The following GMIP variants were observed in gnomAD, a reference collection of about 807,000 sequenced individuals.
GMIP encodes the protein GEM-interacting protein.
GMIP carries 54 observed loss-of-function variants against 105.3 expected under a neutral mutation model. The ratio of observed to expected loss-of-function variants is 0.51; its 90% CI spans 0.41 to 0.64. The LOEUF is 0.64. GMIP is among the 30% of genes least tolerant of loss of function. GMIP has a pLI of 0.00. For synonymous variants in GMIP, 541 were observed against 560.8 expected (o/e 0.96, Z 0.50); for missense variants, 1,110 against 1,319.4 (o/e 0.84, Z 2.46).
At chr19:19,633,782 G>A in intron 19 of GMIP, 21 bp downstream of exon 19, 2 of 1,435,430 alleles carry the variant, frequency 1.4e-6, no homozygotes, top group Non-Finnish European at 1.8e-6. Flanking sequence ...CTCCATAGCT[G>A]TGGGCCCAGT....
chr19:19,638,153 G>A lies in GMIP; in HGVS notation c.789+6C>T. On this transcript the variant is annotated splice_donor_region_variant and intron_variant, in intron 9 of 20. Coordinates refer to ENST00000203556, the MANE Select transcript of GMIP (RefSeq NM_016573.4). ...GCGCTACAGGGGCTCGGGGCCGGGT[G>A]CCCACCTTGGCCTGGGCCTCCTCTC... The A allele has an allele frequency of 6.3e-7, 1 of 1,578,632 alleles. No individual in the cohort carries two copies. Among genetic ancestry groups the A allele is most frequent in the Non-Finnish European group, 8.5e-7 (1 of 1,171,004 alleles).
At chr19:19,631,108 G>A (rs1437643645) in intron 19 of GMIP, among the ~76,000 whole-genome samples, 1 of 152,144 alleles carries the variant, frequency 6.6e-6, no homozygotes, top group Non-Finnish European at 1.5e-5. Context: ...GGCTGAGGCA[G>A]GAGAATCGCT....
intron 1 of GMIP, 49 bp from the exon 2 acceptor site, chr19:19,642,668 C>A: frequency 1.1e-6 from 1 of 883,834 alleles, no homozygotes. Context: ...CTCCCTCCAC[C>A]CACGGCACCT....
chr19:19,638,443 T>G lies in GMIP; in HGVS notation c.577A>C (p.Lys193Gln). Reference sequence around the variant, plus strand: ...TTCATCCACTGCTCCTTGAACTCCTTCCGCCACTTCTCAATCTCAGTCCGT... The same window carrying G: ...TTCATCCACTGCTCCTTGAACTCCTGCCGCCACTTCTCAATCTCAGTCCGT... Reference protein sequence around the residue: ...AKRTEIEKWRKEFKEQWMKEQ... With the variant: ...AKRTEIEKWRQEFKEQWMKEQ... Residue 193 changes from lysine (K) to glutamine (Q), a missense_variant, in exon 8 of 21, where the codon AAG becomes CAG. This residue lies in a region of GMIP where 667 missense variants were observed against 773.2 expected (regional missense o/e 0.86). Coordinates refer to ENST00000203556, the MANE Select transcript of GMIP (RefSeq NM_016573.4). 1 of 1,614,128 alleles carries G rather than the reference T, an allele frequency of 6.2e-7. No homozygotes were observed. Among genetic ancestry groups the G allele is most frequent in the South Asian group, 1.1e-5 (1 of 91,086 alleles).
chr19:19,633,888 T>C lies in GMIP; in HGVS notation c.2387A>G (p.Gln796Arg). 7.3e-7 allele frequency: 1 copy of C among 1,370,670 alleles called. No homozygotes were observed. The highest frequency in any genetic ancestry group is 9.5e-7 in the Non-Finnish European group (1 of 1,053,980). The allele number at this position is 1,370,670 out of a possible 1,614,324, so 84.9% of individuals were successfully genotyped here. A position where few individuals can be genotyped will look rare whatever the true frequency, so the allele number is the denominator to read the frequency against. The change falls in exon 19 of 21, where the codon CAG (glutamine) becomes CGG (arginine). Residue 796 changes from glutamine to arginine, a missense_variant. Physicochemically the swap from Gln to Arg is conservative, Grantham distance 43. Transcript: ENST00000203556. ...PPPPHLDPDS[Q>R]PPVLASDPGP... ...GGGGTCTGAGGCTAGGACTGGGGGCTGGGAGTCTGGGTCAAGGTGCGGGGG... is the reference window on the plus strand; with the variant it reads ...GGGGTCTGAGGCTAGGACTGGGGGCCGGGAGTCTGGGTCAAGGTGCGGGGG...
At chr19:19,641,165 C>T (rs2061914963) in intron 4 of GMIP, among the ~76,000 whole-genome samples, 1 of 152,082 alleles carries the variant, frequency 6.6e-6, no homozygotes, top group Non-Finnish European at 1.5e-5. Flanking sequence ...ACTGCAAGCT[C>T]CGCCTCCTGG....
Position 19,634,729 on chromosome 19 carries a change from A to C in GMIP, c.1888-26T>G. The C allele has an allele frequency of 6.2e-7, 1 of 1,609,266 alleles. No individual in the cohort carries two copies. The stretch of plus-strand genomic sequence containing the variant: ...CTGGGGGTGGAACGGAGGGCGCAAC[A>C]CGAGTGTGGGTGGGCTGTGGAGGGC... On this transcript the variant is annotated intron_variant, in intron 17 of 20. Coordinates refer to ENST00000203556, the MANE Select transcript of GMIP (RefSeq NM_016573.4). This position sits in a 1 kb window ranked among gnomAD's most constrained non-coding sequence, Gnocchi z 6.1.
chr19:19,643,650 T>A lies in GMIP; in HGVS notation c.-121A>T. The A allele has an allele frequency of 1.2e-6, 1 of 825,198 alleles. No individual in the cohort carries two copies. The highest frequency in any genetic ancestry group is 1.8e-6 in the Non-Finnish European group (1 of 555,514). 51.1% of individuals were successfully genotyped at this position (825,198 alleles called of 1,614,324 possible). ...CCGCCGCCTCGGTTCCGCGTCGCCC[T>A]GCCCAGCGGAGGCCACGCCCCCGCA... On this transcript the variant is annotated 5_prime_UTR_variant, in exon 1 of 21. Transcript: ENST00000203556.
rs779211336 is a variant in GMIP at position 19,636,719 on chromosome 19, T to A, written c.1315A>T (p.Thr439Ser). The A allele has an allele frequency of 6.2e-7, 1 of 1,612,668 alleles. No individual in the cohort carries two copies. Among genetic ancestry groups the A allele is most frequent in the Admixed American group, 1.7e-5 (1 of 59,972 alleles). Residue 439 changes from threonine to serine, a missense_variant, in exon 13 of 21, where the codon ACT becomes TCT. By Grantham distance (58) the Thr-to-Ser change is moderately conservative. This residue lies in a region of GMIP where 667 missense variants were observed against 773.2 expected (regional missense o/e 0.86). Coordinates refer to ENST00000203556, the MANE Select transcript of GMIP (RefSeq NM_016573.4). Reference sequence around the variant, plus strand: ...GTCCTATCCCTACCTGGGCTGGAAGTGGGTGAGTCCAGGGACCGAGACTCG... The same window carrying A: ...GTCCTATCCCTACCTGGGCTGGAAGAGGGTGAGTCCAGGGACCGAGACTCG... Reference protein sequence around the residue: ...GSESRSLDSPTSSPGAGTRQL... With the variant: ...GSESRSLDSPSSSPGAGTRQL...
chr19:19,633,960 T>C lies in GMIP; in HGVS notation c.2315A>G (p.Asp772Gly). The change falls in exon 19 of 21, where the codon GAC becomes GGC. Residue 772 changes from aspartate to glycine, a missense_variant. Asp to Gly is a moderately conservative substitution (Grantham distance 94). Transcript: ENST00000203556. ...LPQATEPPPQ[D>G]SSPAPGPLTT... Reference sequence around the variant, plus strand: ...GAGGGGCCCAGGGGCTGGGCTGGAGTCTTGGGGCGGGGGCTCAGTGGCCTG... The same window carrying C: ...GAGGGGCCCAGGGGCTGGGCTGGAGCCTTGGGGCGGGGGCTCAGTGGCCTG... The C allele has an allele frequency of 1.3e-6, 2 of 1,549,160 alleles. No individual in the cohort carries two copies. The highest frequency in any genetic ancestry group is 2.3e-5 in the South Asian group (2 of 88,696).
At position 19,638,057 on chromosome 19, in the gene GMIP, C is replaced by A; in HGVS notation, c.790G>T (p.Ala264Ser). Residue 264 changes from alanine to serine, a missense_variant and splice_region_variant, in exon 10 of 21, where the codon GCG becomes TCG. Physicochemically the swap from Ala to Ser is moderately conservative, Grantham distance 99 (BLOSUM62 1). This residue lies in a region of GMIP where 667 missense variants were observed against 773.2 expected (regional missense o/e 0.86). Transcript: ENST00000203556. ...TGGTACAGCGCCTCGGCCTCCTGCG[C>A]CTGGGGAAACGGGAGGCCAGGAGCG... Reference protein sequence around the residue: ...RRSREEAQAKAQEAEALYQAC... With the variant: ...RRSREEAQAKSQEAEALYQAC... The A allele has an allele frequency of 6.4e-7, 1 of 1,561,674 alleles. No homozygotes were observed. Among genetic ancestry groups the A allele is most frequent in the Non-Finnish European group, 8.7e-7 (1 of 1,155,694 alleles).
Position 19,633,953 on chromosome 19 carries a change from G to T in GMIP, c.2322C>A (p.Ser774Arg), listed in dbSNP as rs141571813. 3.8e-6 allele frequency: 6 copies of T among 1,583,936 alleles called. No homozygotes were observed. Among genetic ancestry groups the T allele is most frequent in the Non-Finnish European group, 5.2e-6 (6 of 1,159,048 alleles). ...QATEPPPQDS[S>R]PAPGPLTTSS... ...TGGTTGTGAGGGGCCCAGGGGCTGG[G>T]CTGGAGTCTTGGGGCGGGGGCTCAG... Residue 774 changes from serine (S) to arginine (R), a missense_variant, in exon 19 of 21, where the codon AGC becomes AGA. Physicochemically the swap from Ser to Arg is moderately radical, Grantham distance 110 (BLOSUM62 -1). Coordinates refer to ENST00000203556, the MANE Select transcript of GMIP (RefSeq NM_016573.4).
chr19:19,636,049 C>G (rs1281364725), intron 13 of GMIP, among the ~76,000 whole-genome samples: 2 of 150,518 alleles, frequency 1.3e-5, no homozygotes, highest in Non-Finnish European at 3.0e-5. Flanking sequence ...ACTAAAAATA[C>G]AAACATTAAC....
rs752866152 is a variant in GMIP at position 19,642,534 on chromosome 19, C to G, written c.104+1G>C. 1 of 1,599,350 alleles carries G rather than the reference C, an allele frequency of 6.3e-7. No individual in the cohort carries two copies. Among genetic ancestry groups the G allele is most frequent in the Non-Finnish European group, 8.6e-7 (1 of 1,167,010 alleles). On this transcript the variant is annotated splice_donor_variant, in intron 2 of 20. Coordinates refer to ENST00000203556, the MANE Select transcript of GMIP (RefSeq NM_016573.4). LOFTEE classifies it high-confidence loss of function. ...TGGGGGTGATCCAGGCTCAGACTCACACGTTCCCCAGTGAGATTTCGAGGT... is the reference window on the plus strand; with the variant it reads ...TGGGGGTGATCCAGGCTCAGACTCAGACGTTCCCCAGTGAGATTTCGAGGT...
At position 19,634,667 on chromosome 19, in the gene GMIP, C is replaced by CCTTA; in HGVS notation, c.1923_1924insTAAG (p.Ala642Ter). ...AAGGTCTTAGCCAGAGAGATGAAGG[C>CCTTA]GTCGTAGAGGTGGAAGGGGATCACG... is the stretch of plus-strand genomic sequence containing the variant. On this transcript the variant is annotated stop_gained and frameshift_variant, in exon 18 of 21. Coordinates refer to ENST00000203556, the MANE Select transcript of GMIP (RefSeq NM_016573.4). LOFTEE classifies it high-confidence loss of function. The surrounding 1 kb of genome is among the most constrained non-coding windows in gnomAD (Gnocchi z 6.1). 6.2e-7 allele frequency: 1 copy of CCTTA among 1,611,834 alleles called. No homozygotes were observed. Among genetic ancestry groups the CCTTA allele is most frequent in the Non-Finnish European group, 8.5e-7 (1 of 1,178,756 alleles).
Position 19,634,098 on chromosome 19 carries a change from C to T in GMIP, c.2177G>A (p.Arg726Gln), listed in dbSNP as rs368923096. The change falls in exon 19 of 21, where the codon CGG becomes CAG. Residue 726 changes from arginine (R) to glutamine (Q), a missense_variant. By Grantham distance (43) the Arg-to-Gln change is conservative. Around this residue, in one of 3 missense-constraint regions of GMIP, gnomAD observed 394 missense variants for 450.5 expected, o/e 0.87. Transcript: ENST00000203556. The surrounding 1 kb of genome is among the most constrained non-coding windows in gnomAD (Gnocchi z 6.1). ...PTLLRPPDGP[R>Q]AASAIPVTCL... The stretch of plus-strand genomic sequence containing the variant: ...GGTGACAGGGATGGCGCTGGCTGCC[C>T]GCGGGCCGTCCGGCGGCCGCAGCAG... The T allele has an allele frequency of 1.3e-5, 21 of 1,612,946 alleles. No homozygotes were observed. Among genetic ancestry groups the T allele is most frequent in the East Asian group, 8.9e-5 (4 of 44,868 alleles).
intron 19 of GMIP, among the ~76,000 whole-genome samples, chr19:19,632,761 G>A (rs935001608): frequency 7.9e-5 from 12 of 152,188 alleles, no homozygotes; most frequent in Non-Finnish European, 1.2e-4. Flanking sequence ...AGCTGGCAGA[G>A]CCACCTGGGC....
At chr19:19,642,750 G>T (rs768649835) in intron 1 of GMIP, 131 bp from the exon 2 acceptor site, 5 of 509,054 alleles carry the variant, frequency 9.8e-6, no homozygotes, top group South Asian at 8.6e-5. Flanking sequence ...GCTGGGGGGG[G>T]CTTGGTTGGG....
At position 19,632,880 on chromosome 19, in the gene GMIP, T is replaced by C. The variant is rs561680886; in HGVS notation, c.2472+923A>G. Among the ~76,000 whole-genome samples the C allele has an allele frequency of 3.9e-5, 6 of 152,272 alleles. No individual in the cohort carries two copies. In the East Asian group the frequency reaches 1.2e-3, roughly 29 times the overall value. ...CCTACCTCAGGGCCTTTGCACTGGC[T>C]GTTCCCTTTGCCTGGAACACCCTTC... On this transcript the variant is annotated intron_variant, in intron 19 of 20. Coordinates refer to ENST00000203556, the MANE Select transcript of GMIP (RefSeq NM_016573.4).
Sources: allele counts gnomAD v4.1 joint callset (sites outside exome capture counted in the v4.1 genomes callset), GRCh38; gene constraint gnomAD v4.1.1; regional missense constraint gnomAD v4.1.1; non-coding constraint Gnocchi (gnomAD v3.1); transcripts MANE v1.5; gene names NCBI Gene and HGNC (gene_info 2026-07-23, HGNC 2026-07-21).